DGKI: variants seen among roughly 807,000 people sequenced by gnomAD.
DGKI encodes the protein DAG kinase iota.
In DGKI, 55 loss-of-function variants were observed where a neutral mutation model predicts 147.5. That is an observed-to-expected ratio of 0.37 (90% CI 0.30 to 0.47). DGKI has a LOEUF of 0.47. Ranked by LOEUF, DGKI falls within the 20% of genes least tolerant of loss-of-function variation. The pLI is 1.00. For synonymous variants in DGKI, 469 were observed against 477.1 expected (o/e 0.98, Z 0.22); for missense variants, 1,007 against 1,323.8 (o/e 0.76, Z 3.71).
chr7:137,436,098 T>C (rs1034940669), intron 28 of DGKI, among the ~76,000 whole-genome samples: 7 of 152,146 alleles, frequency 4.6e-5, no homozygotes, highest in Non-Finnish European at 8.8e-5. Flanking sequence ...CTTAATCTTC[T>C]TTACTCGTAG....
chr7:137,595,788 G>A (rs1819768232), intron 12 of DGKI, among the ~76,000 whole-genome samples: 1 of 151,944 alleles, frequency 6.6e-6, no homozygotes, highest in African/African-American at 2.4e-5. Context: ...TGGATCACGA[G>A]GTCAGGAGAT....
At position 137,388,423 on chromosome 7, in the gene DGKI, G is replaced by C. The variant is rs1273352679; in HGVS notation, c.*2797C>G. ...CAAAGAAACAAACACAGAGGAGTCA[G>C]CCAAGCTAGCTGCCTCTTCAGTGCT... On this transcript the variant is annotated 3_prime_UTR_variant, in exon 33 of 33. Coordinates refer to ENST00000614521, the MANE Select transcript of DGKI (RefSeq NM_001321708.2). The C allele has an allele frequency of 6.6e-6, 1 of 152,174 alleles. No individual in the cohort carries two copies. Among genetic ancestry groups the C allele is most frequent in the African/African-American group, 2.4e-5 (1 of 41,452 alleles). The allele number at this position is 152,174 out of a possible 1,614,324, so 9.4% of individuals were successfully genotyped here. A position where few individuals can be genotyped will look rare whatever the true frequency, so the allele number is the denominator to read the frequency against.
intron 21 of DGKI, among the ~76,000 whole-genome samples, chr7:137,520,454 G>A (rs767367700): frequency 1.3e-5 from 2 of 151,966 alleles, no homozygotes; most frequent in Non-Finnish European, 2.9e-5. Context: ...CTAGTCTGTC[G>A]CTTATAAGTT....
chr7:137,556,014 T>A (rs1349838311), intron 19 of DGKI, among the ~76,000 whole-genome samples: 2 of 152,010 alleles, frequency 1.3e-5, no homozygotes, highest in African/African-American at 4.8e-5. Context: ...TTTATAGAAG[T>A]TAAAGTTATT....
intron 20 of DGKI, among the ~76,000 whole-genome samples, chr7:137,539,020 C>T (rs1218713222): frequency 3.3e-5 from 5 of 152,076 alleles, no homozygotes; most frequent in Non-Finnish European, 5.9e-5. Flanking sequence ...CTCTGAATGC[C>T]GAAAGAAATG....
chr7:137,680,032 C>T (rs935663994), intron 2 of DGKI, among the ~76,000 whole-genome samples: 2 of 150,110 alleles, frequency 1.3e-5, no homozygotes, highest in Non-Finnish European at 2.9e-5. Context: ...TTGAATCCCT[C>T]ACCCTCAATG....
chr7:137,627,264 C>A lies in DGKI; in HGVS notation c.805-3710G>T, dbSNP rs550830108. Reference sequence around the variant, plus strand: ...ACAGGCTTGCCTTGCCTCGTACCTACCCTTGCCATTATAAATAGCTGCCCT... The same window carrying A: ...ACAGGCTTGCCTTGCCTCGTACCTAACCTTGCCATTATAAATAGCTGCCCT... On this transcript the variant is annotated intron_variant, in intron 6 of 32. Transcript: ENST00000614521. 4.6e-5 allele frequency among the ~76,000 whole-genome samples: 7 copies of A among 152,294 alleles called. No individual in the cohort carries two copies. The East Asian group carries it at 9.6e-4, about 21-fold the overall frequency.
At chr7:137,466,333 C>A (rs779089656) in intron 25 of DGKI, among the ~76,000 whole-genome samples, 1 of 152,216 alleles carries the variant, frequency 6.6e-6, no homozygotes, top group Non-Finnish European at 1.5e-5. Context: ...ATACAATTGG[C>A]CCAGCAGGAG....
At chr7:137,509,828 C>T (rs985212292) in intron 21 of DGKI, among the ~76,000 whole-genome samples, 18 of 152,274 alleles carry the variant, frequency 1.2e-4, no homozygotes, top group Middle Eastern at 3.4e-3. Context: ...AGGTGCCCAT[C>T]GAAGCCCAGC....
At chr7:137,756,234 GC>G (rs1795676834) in intron 1 of DGKI, among the ~76,000 whole-genome samples, 1 of 152,128 alleles carries the variant, frequency 6.6e-6, no homozygotes, top group African/African-American at 2.4e-5. Context: ...GAGATAATAT[GC>G]CAAGACCTGC....
At chr7:137,470,824 C>T (rs982872971) in intron 23 of DGKI, among the ~76,000 whole-genome samples, 1 of 152,128 alleles carries the variant, frequency 6.6e-6, no homozygotes, top group African/African-American at 2.4e-5. Flanking sequence ...TCAGACATGA[C>T]CTCTAGAAGC....
At chr7:137,671,706 A>G (rs1015048660) in intron 3 of DGKI, among the ~76,000 whole-genome samples, 1 of 152,162 alleles carries the variant, frequency 6.6e-6, no homozygotes, top group African/African-American at 2.4e-5. Context: ...TTGCCCTCCA[A>G]TCCTCCAACT....
chr7:137,659,279 T>C (rs1585338659), intron 3 of DGKI, among the ~76,000 whole-genome samples: 1 of 152,340 alleles, frequency 6.6e-6, no homozygotes, highest in African/African-American at 2.4e-5. Context: ...CCCAGGTCTT[T>C]TGCCATAGTA....
At chr7:137,602,527 G>A (rs996938138) in intron 10 of DGKI, among the ~76,000 whole-genome samples, 11 of 152,034 alleles carry the variant, frequency 7.2e-5, no homozygotes, top group African/African-American at 2.7e-4. Flanking sequence ...TTCAAAATAT[G>A]GTATTTATTA....
chr7:137,761,883 G>A (rs1170132197), intron 1 of DGKI, among the ~76,000 whole-genome samples: 4 of 152,074 alleles, frequency 2.6e-5, no homozygotes, highest in African/African-American at 7.2e-5. Flanking sequence ...CTTGACCGAA[G>A]CAAGATTCTA....
rs146115787 is a variant in DGKI at position 137,566,461 on chromosome 7, AG to A, written c.1947+4713del. On this transcript the variant is annotated intron_variant, in intron 19 of 32. Transcript: ENST00000614521. ...GAAATATATGCCAGTATACATTTAG[AG>A]GTCATAGAATGTTCAAAACCATACA... Among the ~76,000 whole-genome samples the A allele has an allele frequency of 8.8e-3, 1,339 of 152,300 alleles. 17 individuals carry two copies. Among genetic ancestry groups the A allele is most frequent in the African/African-American group, 0.031 (1,281 of 41,572 alleles).
At chr7:137,487,584 AT>A (rs746619424) in intron 22 of DGKI, 25 bp downstream of exon 22, 3 of 1,597,706 alleles carry the variant, frequency 1.9e-6, no homozygotes, top group Non-Finnish European at 2.6e-6. Context: ...GTTGAGGAGA[AT>A]AAAAAATTGG....
intron 30 of DGKI, among the ~76,000 whole-genome samples, chr7:137,405,533 C>A (rs867460037): frequency 1.1e-4 from 17 of 152,156 alleles, no homozygotes; most frequent in Admixed American, 1.1e-3. Context: ...CTGCAGAGAC[C>A]GGGACATAAG....
At chr7:137,672,386 T>C (rs1435863359) in intron 3 of DGKI, among the ~76,000 whole-genome samples, 2 of 152,204 alleles carry the variant, frequency 1.3e-5, no homozygotes, top group African/African-American at 4.8e-5. Flanking sequence ...CCCAAAAGGT[T>C]GTTGTTATGG....
Sources: gnomAD v4.1 joint callset for allele counts (sites outside exome capture counted in the v4.1 genomes callset) on GRCh38, gnomAD v4.1.1 for gene constraint, MANE v1.5 for transcripts, NCBI Gene and HGNC (gene_info 2026-07-23, HGNC 2026-07-21) for gene names.